Variants in NRG1 observed in about 807,000 individuals in gnomAD.
NRG1 encodes pro-neuregulin-1, membrane-bound isoform.
NRG1 carries 18 observed loss-of-function variants against 63.8 expected under a neutral mutation model. The observed-to-expected ratio is 0.28, with a 90% CI of 0.19 to 0.42. NRG1 has a LOEUF of 0.42. Among genes scored for constraint, NRG1 ranks in the 10% least tolerant of loss-of-function variants. The pLI is 1.00. For missense variants in NRG1, 762 were observed against 814.7 expected (o/e 0.94, Z 0.79); for synonymous variants, 302 against 301.3 (o/e 1.00, Z -0.02).
rs887286407 is a variant in NRG1 at position 31,910,770 on chromosome 8, A to G, written c.37+271339A>G. Among the ~76,000 whole-genome samples the G allele has an allele frequency of 5.3e-5, 8 of 152,290 alleles. No individual in the cohort carries two copies. In the South Asian group the frequency reaches 1.5e-3, roughly 28 times the overall value. On this transcript the variant is annotated intron_variant, in intron 1 of 10. Coordinates refer to the NRG1 transcript ENST00000519301. ...TTGAGAAATTCGAATTTTTAAGATAAGATATGGAATAAAAAGATAAAACTG... is the reference window on the plus strand; with the variant it reads ...TTGAGAAATTCGAATTTTTAAGATAGGATATGGAATAAAAAGATAAAACTG...
chr8:32,632,959 T>G (rs1411984143), intron 5 of NRG1, among the ~76,000 whole-genome samples: 1 of 152,226 alleles, frequency 6.6e-6, no homozygotes, highest in Non-Finnish European at 1.5e-5. Flanking sequence ...TAGAATTTCC[T>G]TATTAATTAA....
chr8:31,770,697 C>T (rs1392665904), intron 1 of NRG1, among the ~76,000 whole-genome samples: 1 of 151,088 alleles, frequency 6.6e-6, no homozygotes, highest in Admixed American at 6.6e-5. Context: ...AGCACACCAA[C>T]ATGGTGCATG....
chr8:32,636,176 G>A lies in NRG1; in HGVS notation c.502+19291G>A, dbSNP rs144705215. The stretch of plus-strand genomic sequence containing the variant: ...TCTAAAAGCATTTCAAACAAATTAA[G>A]TTAAGCCGTTCCTTTCTTACTGGAT... On this transcript the variant is annotated intron_variant, in intron 5 of 11. Transcript: ENST00000356819. Among the ~76,000 whole-genome samples the A allele has an allele frequency of 2.1e-3, 316 of 151,778 alleles. 1 individual carries two copies. The highest frequency in any genetic ancestry group is 6.4e-3 in the African/African-American group (264 of 41,460).
At chr8:32,509,010 C>G (rs1371092024) in intron 1 of NRG1, among the ~76,000 whole-genome samples, 1 of 152,130 alleles carries the variant, frequency 6.6e-6, no homozygotes, top group African/African-American at 2.4e-5. Context: ...GCTGGGATCA[C>G]AGGTATGAGC....
intron 1 of NRG1, among the ~76,000 whole-genome samples, chr8:32,161,907 C>T (rs766419600): frequency 9.9e-5 from 15 of 152,214 alleles, no homozygotes; most frequent in Non-Finnish European, 2.2e-4. Flanking sequence ...TTGAAAGTGA[C>T]ATAAACCTTC....
chr8:32,182,348 G>A (rs1286832460), intron 1 of NRG1, among the ~76,000 whole-genome samples: 1 of 152,124 alleles, frequency 6.6e-6, no homozygotes, highest in Non-Finnish European at 1.5e-5. Context: ...CTGGGTTCAA[G>A]CAACTCTCCT....
intron 1 of NRG1, among the ~76,000 whole-genome samples, chr8:32,385,601 G>A (rs1254470762): frequency 6.6e-6 from 1 of 152,068 alleles, no homozygotes; most frequent in Admixed American, 6.6e-5. Flanking sequence ...AGGAACAGAA[G>A]CAAGAAAGAG....
chr8:32,670,390 C>T (rs12541855), intron 5 of NRG1, among the ~76,000 whole-genome samples: 52,667 of 151,926 alleles, frequency 0.35, 9,258 homozygotes, highest in East Asian at 0.44. Flanking sequence ...CTGCCTTTCT[C>T]TTCTTCATTG....
intron 5 of NRG1, among the ~76,000 whole-genome samples, chr8:32,672,752 C>T (rs1454494526): frequency 7.4e-6 from 1 of 134,664 alleles, no homozygotes; most frequent in African/African-American, 2.7e-5. Context: ...TTCTGTTATC[C>T]TCATTAAAAT....
At chr8:32,467,812 G>C (rs1823262113) in intron 1 of NRG1, among the ~76,000 whole-genome samples, 1 of 152,180 alleles carries the variant, frequency 6.6e-6, no homozygotes, top group Non-Finnish European at 1.5e-5. Flanking sequence ...AACGGCCTCA[G>C]GGATTTTATA....
intron 5 of NRG1, among the ~76,000 whole-genome samples, chr8:32,652,608 A>G (rs1855368236): frequency 6.6e-6 from 1 of 152,124 alleles, no homozygotes; most frequent in Admixed American, 6.5e-5. Context: ...ACTGTCTTTA[A>G]TGAAACTTTA....
intron 1 of NRG1, among the ~76,000 whole-genome samples, chr8:31,942,623 C>T (rs1182772641): frequency 6.6e-6 from 1 of 151,960 alleles, no homozygotes; most frequent in Admixed American, 6.6e-5. Flanking sequence ...AGGAGAAAAT[C>T]TTCACAATCT....
At chr8:31,783,758 A>G (rs956523598) in intron 1 of NRG1, among the ~76,000 whole-genome samples, 2 of 152,196 alleles carry the variant, frequency 1.3e-5, no homozygotes, top group African/African-American at 4.8e-5. Context: ...TTTATATTAA[A>G]TGGTCCTACT....
At chr8:32,612,506 T>TAC (rs2129541265) in intron 3 of NRG1, among the ~76,000 whole-genome samples, 1 of 152,158 alleles carries the variant, frequency 6.6e-6, no homozygotes, top group South Asian at 2.1e-4. Context: ...CCAAGATAAA[T>TAC]ACCTGATTTT....
At chr8:32,343,253 A>G (rs954834940) in intron 1 of NRG1, among the ~76,000 whole-genome samples, 2 of 152,204 alleles carry the variant, frequency 1.3e-5, no homozygotes, top group Non-Finnish European at 2.9e-5. Context: ...ATATATTGTC[A>G]ACTTTGATTT....
At chr8:32,604,203 C>G (rs967672749) in intron 2 of NRG1, among the ~76,000 whole-genome samples, 12 of 151,976 alleles carry the variant, frequency 7.9e-5, no homozygotes, top group African/African-American at 2.7e-4. Context: ...CCTGGAAGGT[C>G]AGCTGAGATT....
chr8:32,490,314 A>C (rs1370389480), intron 1 of NRG1, among the ~76,000 whole-genome samples: 1 of 152,086 alleles, frequency 6.6e-6, no homozygotes, highest in Non-Finnish European at 1.5e-5. Context: ...CAAAAAAAAA[A>C]AAACTGGGGG....
chr8:31,881,145 T>C (rs1231954012), intron 1 of NRG1, among the ~76,000 whole-genome samples: 3 of 152,212 alleles, frequency 2.0e-5, no homozygotes, highest in African/African-American at 7.2e-5. Flanking sequence ...TATCATGCTT[T>C]GCAGATATTG....
chr8:31,641,189 T>G (rs972817087), intron 1 of NRG1, among the ~76,000 whole-genome samples: 5 of 152,236 alleles, frequency 3.3e-5, no homozygotes, highest in African/African-American at 1.2e-4. Context: ...GTCTGTGAAG[T>G]CTCTGCAAGG....
Sources: allele counts gnomAD v4.1 joint callset (sites outside exome capture counted in the v4.1 genomes callset), GRCh38; gene constraint gnomAD v4.1.1; transcripts MANE v1.5; gene names NCBI Gene and HGNC (gene_info 2026-07-23, HGNC 2026-07-21).